Variants in ITSN1 observed in about 807,000 individuals in gnomAD.
The protein encoded by ITSN1 is intersectin 1.
Under a neutral mutation model 239.8 loss-of-function variants are expected in ITSN1, and 58 were observed. The ratio of observed to expected loss-of-function variants is 0.24; its 90% CI spans 0.20 to 0.30. The LOEUF is 0.30. Ranked by LOEUF, ITSN1 falls within the 10% of genes least tolerant of loss-of-function variation. The pLI, the probability that ITSN1 is intolerant of heterozygous loss-of-function variation, is 1.00. For missense variants in ITSN1, 1,558 were observed against 2,103.3 expected (o/e 0.74, Z 5.07); for synonymous variants, 780 against 770.8 (o/e 1.01, Z -0.20).
intron 16 of ITSN1, among the ~76,000 whole-genome samples, chr21:33,785,549 T>C (rs1280796724): frequency 6.6e-6 from 1 of 152,268 alleles, no homozygotes; most frequent in African/African-American, 2.4e-5. Flanking sequence ...TTCTCCCATT[T>C]TCTTCAGTTC....
chr21:33,748,063 G>C (rs1408728227), intron 5 of ITSN1, among the ~76,000 whole-genome samples: 1 of 152,192 alleles, frequency 6.6e-6, no homozygotes, highest in Non-Finnish European at 1.5e-5. Flanking sequence ...TAGCACAGAA[G>C]AGGAGAAAGG....
At chr21:33,799,758 G>A (rs769742280) in intron 18 of ITSN1, 50 bp from the exon 19 acceptor site, 4 of 1,600,002 alleles carry the variant, frequency 2.5e-6, no homozygotes, top group African/African-American at 2.7e-5. Context: ...ATACATTTGT[G>A]TTCTCTGTAA....
chr21:33,803,853 A>G (rs2072202392), intron 20 of ITSN1, among the ~76,000 whole-genome samples: 1 of 152,222 alleles, frequency 6.6e-6, no homozygotes, highest in Non-Finnish European at 1.5e-5. Flanking sequence ...TGTAGAATGT[A>G]CTACTAGGCA....
At chr21:33,858,553 G>T in intron 30 of ITSN1, 133 bp from the exon 31 acceptor site, 1 of 538,058 alleles carries the variant, frequency 1.9e-6, no homozygotes. Flanking sequence ...CAGGAAAGCA[G>T]GCGTTCACCT....
intron 29 of ITSN1, among the ~76,000 whole-genome samples, chr21:33,842,837 T>G (rs1237155326): frequency 6.6e-6 from 1 of 152,186 alleles, no homozygotes; most frequent in East Asian, 1.9e-4. Context: ...GAGAACACTT[T>G]TGATCTGCCA....
intron 36 of ITSN1, among the ~76,000 whole-genome samples, chr21:33,884,606 C>G (rs956420127): frequency 5.3e-5 from 8 of 152,218 alleles, no homozygotes; most frequent in Non-Finnish European, 1.0e-4. Context: ...ATGCCTTCCC[C>G]CAAGGCGTTT....
At position 33,889,690 on chromosome 21, in the gene ITSN1, T is replaced by C. The variant is rs1986227396; in HGVS notation, c.*1390T>C. ...TGCATGTTCTGTTGGTACTGGAGTC[T>C]AGCTTTCCTGTACTAGATGGTGTTC... On this transcript the variant is annotated 3_prime_UTR_variant, in exon 40 of 40. Transcript: ENST00000381318. 1 of 152,230 alleles carries C rather than the reference T, an allele frequency of 6.6e-6. No individual in the cohort carries two copies. Among genetic ancestry groups the C allele is most frequent in the South Asian group, 2.1e-4 (1 of 4,836 alleles). 9.4% of individuals were successfully genotyped at this position (152,230 alleles called of 1,614,324 possible). A position where few individuals can be genotyped will look rare whatever the true frequency, so the allele number is the denominator to read the frequency against.
At chr21:33,792,606 G>C (rs1401783448) in intron 16 of ITSN1, among the ~76,000 whole-genome samples, 5 of 152,084 alleles carry the variant, frequency 3.3e-5, no homozygotes, top group African/African-American at 1.2e-4. Flanking sequence ...TACATCCCTT[G>C]GTATGGCAGT....
At chr21:33,714,807 A>G (rs962387834) in intron 1 of ITSN1, among the ~76,000 whole-genome samples, 11 of 152,214 alleles carry the variant, frequency 7.2e-5, no homozygotes, top group Non-Finnish European at 1.0e-4. Context: ...AGTATTATGT[A>G]TAACATTTTC....
intron 29 of ITSN1, among the ~76,000 whole-genome samples, chr21:33,849,100 G>T (rs141515805): frequency 0.023 from 3,448 of 152,030 alleles, 125 homozygotes; most frequent in African/African-American, 0.079. Context: ...AATTAGCTGG[G>T]CGTGGTGGCA....
chr21:33,652,835 G>C (rs1265969131), intron 1 of ITSN1, among the ~76,000 whole-genome samples: 1 of 151,970 alleles, frequency 6.6e-6, no homozygotes, highest in Non-Finnish European at 1.5e-5. Context: ...CAATGTTTTG[G>C]TCTTGCATTC....
intron 12 of ITSN1, among the ~76,000 whole-genome samples, chr21:33,773,209 T>C (rs568346913): frequency 4.6e-5 from 7 of 152,010 alleles, no homozygotes; most frequent in Non-Finnish European, 1.0e-4. Context: ...GGTTTCACCA[T>C]GTTGGTCAGG....
intron 20 of ITSN1, among the ~76,000 whole-genome samples, chr21:33,809,000 T>C (rs190089680): frequency 2.1e-3 from 316 of 152,298 alleles, no homozygotes; most frequent in African/African-American, 6.9e-3. Flanking sequence ...AAAGTTATAA[T>C]GTGTCACCAT....
At chr21:33,749,641 CAA>C (rs558593343) in intron 5 of ITSN1, among the ~76,000 whole-genome samples, 1 of 130,160 alleles carries the variant, frequency 7.7e-6, no homozygotes, top group African/African-American at 2.8e-5. Context: ...GACTCCATCT[CAA>C]AAAAAAAAAG....
chr21:33,827,227 G>A (rs930202654), intron 26 of ITSN1, among the ~76,000 whole-genome samples: 1 of 151,770 alleles, frequency 6.6e-6, no homozygotes, highest in Admixed American at 6.6e-5. Context: ...GGGGAATCCC[G>A]GTCTGTACCA....
chr21:33,793,540 C>T (rs1445798116), intron 16 of ITSN1, among the ~76,000 whole-genome samples: 2 of 152,180 alleles, frequency 1.3e-5, no homozygotes, highest in African/African-American at 4.8e-5. Context: ...TTTCCTTATT[C>T]TTCCTATTTT....
At chr21:33,868,340 C>T (rs914530205) in intron 33 of ITSN1, among the ~76,000 whole-genome samples, 4 of 152,242 alleles carry the variant, frequency 2.6e-5, no homozygotes, top group Non-Finnish European at 4.4e-5. Context: ...CTTGGGTGGT[C>T]GATGGGACTG....
chr21:33,727,721 C>G (rs1179595505), intron 4 of ITSN1, among the ~76,000 whole-genome samples: 10 of 151,836 alleles, frequency 6.6e-5, no homozygotes, highest in Non-Finnish European at 1.3e-4. Flanking sequence ...AAGATGACAT[C>G]TTAGTTACCT....
intron 34 of ITSN1, among the ~76,000 whole-genome samples, chr21:33,881,471 C>T (rs1034113225): frequency 7.2e-5 from 11 of 151,962 alleles, no homozygotes; most frequent in African/African-American, 2.2e-4. Context: ...GCCAGGGGCC[C>T]GGACTGCAGT....
Sources: gnomAD v4.1 joint callset for allele counts (sites outside exome capture counted in the v4.1 genomes callset) on GRCh38, gnomAD v4.1.1 for gene constraint, MANE v1.5 for transcripts, NCBI Gene and HGNC (gene_info 2026-07-23, HGNC 2026-07-21) for gene names.